The following ZNF268 variants were observed in gnomAD, a reference collection of about 807,000 sequenced individuals.
ZNF268 encodes zinc finger protein 268, also known as zinc finger protein 3.
In ZNF268, 20 loss-of-function variants were observed where a neutral mutation model predicts 29.3. The ratio of observed to expected loss-of-function variants is 0.68; its 90% CI spans 0.48 to 0.99. The LOEUF (loss-of-function observed/expected upper bound fraction) is 0.99, where lower values mean the gene tolerates loss of function less well. Ranked by LOEUF, ZNF268 falls within the 50% of genes least tolerant of loss-of-function variation. ZNF268 has a pLI of 0.00. For synonymous variants in ZNF268, 429 were observed against 376.9 expected, an observed-to-expected ratio of 1.14 and a Z score of -1.60; for missense variants, 1,240 against 1,121.6, an observed-to-expected ratio of 1.11 and a Z score of -1.51.
intron 5 of ZNF268, among the ~76,000 whole-genome samples, chr12:133,201,885 T>C (rs1449834784): frequency 1.3e-5 from 2 of 152,144 alleles, no homozygotes; most frequent in Non-Finnish European, 2.9e-5. Flanking sequence ...ATCAGTTTAC[T>C]ATGCCTATCT....
At position 133,204,226 on chromosome 12, in the gene ZNF268, G is replaced by A; in HGVS notation, c.2540G>A (p.Gly847Glu). 6.5e-7 allele frequency: 1 copy of A among 1,541,422 alleles called. No homozygotes were observed. The highest frequency in any genetic ancestry group is 8.7e-7 in the Non-Finnish European group (1 of 1,147,794). The change falls in exon 6 of 6, where the codon GGG becomes GAG. Residue 847 changes from glycine to glutamate, a missense_variant. Gly to Glu is a moderately conservative substitution (Grantham distance 98). This residue lies in a region of ZNF268 where 1,177 missense variants were observed against 1,039.6 expected (regional missense o/e 1.13). Coordinates refer to ENST00000536435, the MANE Select transcript of ZNF268 (RefSeq NM_003415.3). Reference protein sequence around the residue: ...KCSQCEKSFSGKLRLLVHQRM... With the variant: ...KCSQCEKSFSEKLRLLVHQRM... Reference sequence around the variant, plus strand: ...AGTCAATGTGAGAAATCCTTCAGTGGGAAATTACGCCTTCTTGTACACCAG... The same window carrying A: ...AGTCAATGTGAGAAATCCTTCAGTGAGAAATTACGCCTTCTTGTACACCAG...
chr12:133,197,551 C>G (rs1956641989), intron 5 of ZNF268, among the ~76,000 whole-genome samples: 1 of 151,874 alleles, frequency 6.6e-6, no homozygotes, highest in Non-Finnish European at 1.5e-5. Context: ...GGGTATATAC[C>G]CAGTAATGGG....
chr12:133,203,460 G>C lies in ZNF268; in HGVS notation c.1774G>C (p.Ala592Pro). 5 of 1,542,146 alleles carry C rather than the reference G, an allele frequency of 3.2e-6. No individual in the cohort carries two copies. The highest frequency in any genetic ancestry group is 4.4e-6 in the Non-Finnish European group (5 of 1,148,482). ...KPYECTDCGK[A>P]FGLKSQLIIH... ...TTATGAATGCACCGACTGTGGAAAG[G>C]CTTTTGGTTTAAAGTCACAGCTTAT... Residue 592 changes from alanine (A) to proline (P), a missense_variant, in exon 6 of 6, where the codon GCT becomes CCT. Around this residue, in one of 3 missense-constraint regions of ZNF268, gnomAD observed 1,177 missense variants for 1,039.6 expected, o/e 1.13. Transcript: ENST00000536435.
Position 133,214,364 on chromosome 12 carries a change from G to C in ZNF268, c.*9834G>C, listed in dbSNP as rs555743989. ...GACTGACCCTTGCTACAACGTGGAG[G>C]AACCTCAGAAACATTGTGCTGAGAA... On this transcript the variant is annotated 3_prime_UTR_variant, in exon 6 of 6. Coordinates refer to ENST00000536435, the MANE Select transcript of ZNF268 (RefSeq NM_003415.3). 1 of 152,098 alleles carries C rather than the reference G, an allele frequency of 6.6e-6. No homozygotes were observed. The highest frequency in any genetic ancestry group is 2.4e-5 in the African/African-American group (1 of 41,410). The allele number at this position is 152,098 out of a possible 1,614,324, so 9.4% of individuals were successfully genotyped here. A position where few individuals can be genotyped will look rare whatever the true frequency, so the allele number is the denominator to read the frequency against.
intron 2 of ZNF268, among the ~76,000 whole-genome samples, chr12:133,185,013 G>T (rs1331530948): frequency 6.6e-6 from 1 of 151,758 alleles, no homozygotes; most frequent in Admixed American, 6.6e-5. Context: ...GCGAAACCTC[G>T]TCTCTACTAA....
chr12:133,191,421 C>G, intron 3 of ZNF268, 68 bp from the exon 4 acceptor site: 1 of 1,596,232 alleles, frequency 6.3e-7, no homozygotes, highest in Non-Finnish European at 8.6e-7. Context: ...TAATGGACAC[C>G]CTAAACAGCT....
chr12:133,187,067 T>C (rs1412305006), intron 2 of ZNF268, among the ~76,000 whole-genome samples: 1 of 152,236 alleles, frequency 6.6e-6, no homozygotes, highest in Non-Finnish European at 1.5e-5. Flanking sequence ...TGGCCCATAG[T>C]GTTTTCAACC....
rs1956824130 is a variant in ZNF268, at chr12:133,203,883, T to C, written c.2197T>C (p.Phe733Leu). The C allele has an allele frequency of 6.4e-7, 1 of 1,574,576 alleles. No individual in the cohort carries two copies. The highest frequency in any genetic ancestry group is 2.3e-5 in the East Asian group (1 of 42,976). The change falls in exon 6 of 6, where the codon TTT becomes CTT. Residue 733 changes from phenylalanine to leucine, a missense_variant. By Grantham distance (22) the Phe-to-Leu change is conservative. This residue lies in a region of ZNF268 where 1,177 missense variants were observed against 1,039.6 expected (regional missense o/e 1.13). Coordinates refer to ENST00000536435, the MANE Select transcript of ZNF268 (RefSeq NM_003415.3). ...TGAGTGCAGGGAATGCGGGAAATCC[T>C]TTAGTTTCAATTCACAACTCATTGT... is the stretch of plus-strand genomic sequence containing the variant. ...PHECRECGKS[F>L]SFNSQLIVHQ...
intron 5 of ZNF268, among the ~76,000 whole-genome samples, chr12:133,193,881 C>T (rs1354956419): frequency 6.6e-6 from 1 of 152,170 alleles, no homozygotes; most frequent in East Asian, 1.9e-4. Flanking sequence ...GCTCCACCTA[C>T]ATACCACCTT....
In ZNF268 at chr12:133,205,989, A is replaced by G. The variant is rs979154445; in HGVS notation, c.*1459A>G. On this transcript the variant is annotated 3_prime_UTR_variant, in exon 6 of 6. Transcript: ENST00000536435. ...TAGCTATTTCAATAGAGGTTCCCAGAACAGCTTTTGTTACTGTCATTTTCT... is the reference window on the plus strand; with the variant it reads ...TAGCTATTTCAATAGAGGTTCCCAGGACAGCTTTTGTTACTGTCATTTTCT... 1 of 152,210 alleles carries G rather than the reference A, an allele frequency of 6.6e-6. No individual in the cohort carries two copies. Among genetic ancestry groups the G allele is most frequent in the African/African-American group, 2.4e-5 (1 of 41,438 alleles). The allele number at this position is 152,210 out of a possible 1,614,324, so 9.4% of individuals were successfully genotyped here.
intron 3 of ZNF268, 71 bp from the exon 4 acceptor site, chr12:133,191,418 C>T: frequency 6.4e-7 from 1 of 1,568,976 alleles, no homozygotes. Context: ...AAATAATGGA[C>T]ACCCTAAACA....
chr12:133,212,223 T>G lies in ZNF268; in HGVS notation c.*7693T>G, dbSNP rs926690485. ...GGTTTGTAGAGGGCAGGGAGTGAGTTAAATAGGAGGATATAATGATAGAAA... is the reference window on the plus strand; with the variant it reads ...GGTTTGTAGAGGGCAGGGAGTGAGTGAAATAGGAGGATATAATGATAGAAA... On this transcript the variant is annotated 3_prime_UTR_variant, in exon 6 of 6. Coordinates refer to ENST00000536435, the MANE Select transcript of ZNF268 (RefSeq NM_003415.3). The G allele has an allele frequency of 6.6e-6, 1 of 151,846 alleles. No homozygotes were observed. The highest frequency in any genetic ancestry group is 2.4e-5 in the African/African-American group (1 of 41,292). 9.4% of individuals were successfully genotyped at this position (151,846 alleles called of 1,614,324 possible).
Position 133,203,966 on chromosome 12 carries a change from CT to C in ZNF268, c.2283del (p.Phe761LeufsTer35). ...PYECSECGKA[F>X]NRKDQLISHQ... ...ATGAATGCAGTGAATGTGGGAAAGC[CT>C]TTAATAGGAAAGACCAGCTCATTTC... On this transcript the variant is annotated frameshift_variant, in exon 6 of 6. Transcript: ENST00000536435. LOFTEE classifies it low-confidence loss of function (END_TRUNC). 1 of 1,592,818 alleles carries C rather than the reference CT, an allele frequency of 6.3e-7. No homozygotes were observed. Among genetic ancestry groups the C allele is most frequent in the South Asian group, 1.1e-5 (1 of 88,926 alleles).
chr12:133,200,055 C>T (rs1956713474), intron 5 of ZNF268, among the ~76,000 whole-genome samples: 2 of 151,986 alleles, frequency 1.3e-5, no homozygotes, highest in Non-Finnish European at 2.9e-5. Context: ...TTAGTTATTT[C>T]TTGCCTTCTT....
At chr12:133,192,269 G>A (rs557097116) in intron 5 of ZNF268, among the ~76,000 whole-genome samples, 23 of 151,882 alleles carry the variant, frequency 1.5e-4, no homozygotes, top group Middle Eastern at 3.4e-3. Context: ...CACCATGCCC[G>A]GCCAATTTTT....
At chr12:133,184,516 G>A (rs1221327691) in intron 2 of ZNF268, 1 of 206,612 alleles carries the variant, frequency 4.8e-6, no homozygotes, top group East Asian at 1.1e-4. Flanking sequence ...AAAGGGCCAG[G>A]CAGCTCTCTG....
intron 4 of ZNF268, 86 bp downstream of exon 4, chr12:133,191,701 C>A: frequency 6.4e-7 from 1 of 1,570,306 alleles, no homozygotes; most frequent in Non-Finnish European, 8.7e-7. Context: ...CTATGAAATA[C>A]TTAGTGATTT....
chr12:133,186,966 A>T (rs754033766), intron 2 of ZNF268, among the ~76,000 whole-genome samples: 1 of 152,180 alleles, frequency 6.6e-6, no homozygotes, highest in African/African-American at 2.4e-5. Context: ...CTAAGAGTAT[A>T]TATTGATCAT....
chr12:133,203,192 C>T lies in ZNF268; in HGVS notation c.1506C>T (p.Cys502=). Residue 502 remains cysteine, a synonymous_variant, in exon 6 of 6, where the codon TGC becomes TGT. Transcript: ENST00000536435. ...ACACAGGAATGAAACCTTATGTATGCAATGAATGTGGCAAAGCCTTCAGGA... is the reference window on the plus strand; with the variant it reads ...ACACAGGAATGAAACCTTATGTATGTAATGAATGTGGCAAAGCCTTCAGGA... ...RSHTGMKPYV[C]NECGKAFRSK... is the part of the protein sequence containing the mutation. The T allele has an allele frequency of 6.5e-7, 1 of 1,537,780 alleles. No homozygotes were observed. Among genetic ancestry groups the T allele is most frequent in the Non-Finnish European group, 8.7e-7 (1 of 1,146,840 alleles).
Sources: allele counts gnomAD v4.1 joint callset (sites outside exome capture counted in the v4.1 genomes callset), GRCh38; gene constraint gnomAD v4.1.1; regional missense constraint gnomAD v4.1.1; transcripts MANE v1.5; gene names NCBI Gene and HGNC (gene_info 2026-07-23, HGNC 2026-07-21).